Variants in ARHGEF33 observed in about 807,000 individuals in gnomAD.
ARHGEF33 encodes Rho guanine nucleotide exchange factor 33.
Under a neutral mutation model 101.9 loss-of-function variants are expected in ARHGEF33, and 72 were observed. The observed-to-expected ratio is 0.71, with a 90% CI of 0.58 to 0.86. ARHGEF33 has a LOEUF of 0.86. ARHGEF33 is among the 40% of genes least tolerant of loss of function. The pLI is 0.00. For missense variants in ARHGEF33, 1,169 were observed against 1,111.3 expected (o/e 1.05, Z -0.74); for synonymous variants, 499 against 442.5 (o/e 1.13, Z -1.60).
At chr2:38,924,269 A>T (rs1017151852) in intron 4 of ARHGEF33, among the ~76,000 whole-genome samples, 1 of 152,164 alleles carries the variant, frequency 6.6e-6, no homozygotes, top group African/African-American at 2.4e-5. Flanking sequence ...AGTTCTGGTG[A>T]ATGTGTGTAA....
At chr2:38,906,698 G>A (rs1448064264) in intron 2 of ARHGEF33, among the ~76,000 whole-genome samples, 1 of 151,718 alleles carries the variant, frequency 6.6e-6, no homozygotes. Flanking sequence ...GGGTGCAGTG[G>A]CTCATGCCTG....
rs1422087927 is a variant in ARHGEF33 at position 38,974,764 on chromosome 2, C to A, written c.*921C>A. ...ATAGCACCAAAACTTCAATGGCTCA[C>A]ACACAGCAGTTGCTACAAACAGCAG... On this transcript the variant is annotated 3_prime_UTR_variant, in exon 18 of 18. Coordinates refer to ENST00000409978, the MANE Select transcript of ARHGEF33 (RefSeq NM_001145451.5). The A allele has an allele frequency of 6.6e-6, 1 of 152,230 alleles. No individual in the cohort carries two copies. Among genetic ancestry groups the A allele is most frequent in the African/African-American group, 2.4e-5 (1 of 41,464 alleles). The allele number at this position is 152,230 out of a possible 1,614,324, so 9.4% of individuals were successfully genotyped here.
chr2:38,924,226 T>C (rs1666820191), intron 4 of ARHGEF33, among the ~76,000 whole-genome samples: 1 of 152,190 alleles, frequency 6.6e-6, no homozygotes, highest in African/African-American at 2.4e-5. Flanking sequence ...TATTATACTT[T>C]GACTAATTAG....
At position 38,919,441 on chromosome 2, in the gene ARHGEF33, C is replaced by A. The variant is rs371189493; in HGVS notation, c.-7C>A. 1.0e-5 allele frequency: 16 copies of A among 1,551,654 alleles called. No homozygotes were observed. Among genetic ancestry groups the A allele is most frequent in the Non-Finnish European group, 1.4e-5 (16 of 1,146,918 alleles). ...GAATAAGCTGGAGAAGAGAAGTAAC[C>A]GGCACTATGGAAAAAACCAAAACAA... On this transcript the variant is annotated 5_prime_UTR_variant, in exon 3 of 18. Transcript: ENST00000409978.
chr2:38,953,117 C>A (rs1371660281), intron 11 of ARHGEF33, 45 bp from the exon 12 acceptor site: 3 of 866,028 alleles, frequency 3.5e-6, no homozygotes, highest in African/African-American at 1.7e-5. Context: ...TATTATAGAT[C>A]CTGTTTTCAG....
At chr2:38,926,403 T>A (rs1380328247) in intron 4 of ARHGEF33, among the ~76,000 whole-genome samples, 2 of 152,268 alleles carry the variant, frequency 1.3e-5, no homozygotes, top group Non-Finnish European at 1.5e-5. Context: ...GGTCGGTAGT[T>A]GAAAACCGCT....
intron 7 of ARHGEF33, among the ~76,000 whole-genome samples, chr2:38,934,829 G>C (rs893460735): frequency 6.6e-6 from 1 of 151,916 alleles, no homozygotes; most frequent in African/African-American, 2.4e-5. Flanking sequence ...AGAGTGATGA[G>C]TTAAGGAAAA....
In ARHGEF33 at chr2:38,937,143, C is replaced by T. The variant is rs376729496; in HGVS notation, c.566-192C>T. 1.3e-4 allele frequency: 65 copies of T among 502,436 alleles called. 1 individual carries two copies. Among genetic ancestry groups the T allele is most frequent in the East Asian group, 7.2e-4 (20 of 27,798 alleles). The allele number at this position is 502,436 out of a possible 1,614,324, so 31.1% of individuals were successfully genotyped here. A position where few individuals can be genotyped will look rare whatever the true frequency, so the allele number is the denominator to read the frequency against. On this transcript the variant is annotated intron_variant, in intron 8 of 17. Transcript: ENST00000409978. ...CTGAGTAGCTGGGACTACAGGTGCC[C>T]GCCACCACGCCCAGCTAATTTTTTA...
intron 15 of ARHGEF33, chr2:38,959,150 T>C (rs933372253): frequency 1.3e-5 from 2 of 152,228 alleles, no homozygotes; most frequent in African/African-American, 4.8e-5. Context: ...TATCCTAGTT[T>C]GTAAACTGTG....
chr2:38,908,840 G>A (rs139075894), intron 2 of ARHGEF33, among the ~76,000 whole-genome samples: 1 of 152,262 alleles, frequency 6.6e-6, no homozygotes, highest in African/African-American at 2.4e-5. Flanking sequence ...TCTGCCAGTG[G>A]AACTTTGCTT....
intron 2 of ARHGEF33, among the ~76,000 whole-genome samples, chr2:38,910,084 C>T (rs1194476510): frequency 3.9e-5 from 6 of 152,094 alleles, no homozygotes; most frequent in Non-Finnish European, 8.8e-5. Flanking sequence ...CTAAATAACA[C>T]AGACACTGTT....
rs151278618 is a variant in ARHGEF33, at chr2:38,897,368, A to G, written c.-86+1519A>G. Among the ~76,000 whole-genome samples, 746 of 152,358 alleles carry G rather than the reference A, an allele frequency of 4.9e-3. 6 individuals carry two copies. The highest frequency in any genetic ancestry group is 0.017 in the African/African-American group (716 of 41,590). On this transcript the variant is annotated intron_variant, in intron 2 of 17. Transcript: ENST00000409978. ...AAAAACAGAGGAAGTTGAATTTAGT[A>G]TATATCTTTACTAGAATAAGCAGCT...
intron 17 of ARHGEF33, among the ~76,000 whole-genome samples, chr2:38,967,315 G>A (rs961915709): frequency 2.6e-5 from 4 of 152,218 alleles, no homozygotes; most frequent in African/African-American, 9.6e-5. Flanking sequence ...GAAGGGGGAA[G>A]AGGAAGGAAG....
intron 2 of ARHGEF33, among the ~76,000 whole-genome samples, chr2:38,908,276 C>T (rs1457424543): frequency 1.3e-5 from 2 of 152,110 alleles, no homozygotes; most frequent in African/African-American, 4.8e-5. Context: ...AGAATATCTT[C>T]CCTGACCAGA....
intron 9 of ARHGEF33, among the ~76,000 whole-genome samples, chr2:38,939,609 A>T (rs1166712932): frequency 6.6e-6 from 1 of 152,158 alleles, no homozygotes; most frequent in Non-Finnish European, 1.5e-5. Flanking sequence ...TTATATGCTT[A>T]TTAGCTATTC....
intron 1 of ARHGEF33, among the ~76,000 whole-genome samples, chr2:38,892,924 T>C (rs189653610): frequency 6.8e-4 from 103 of 152,254 alleles, no homozygotes; most frequent in African/African-American, 2.2e-3. Context: ...TGCTCTTTCC[T>C]CTACAGTGCC....
At chr2:38,893,630 C>G (rs1249712374) in intron 1 of ARHGEF33, among the ~76,000 whole-genome samples, 1 of 152,150 alleles carries the variant, frequency 6.6e-6, no homozygotes, top group African/African-American at 2.4e-5. Context: ...TTATATGTTA[C>G]AGTTATTTAT....
intron 2 of ARHGEF33, among the ~76,000 whole-genome samples, chr2:38,897,849 G>T (rs193129199): frequency 6.6e-6 from 1 of 152,316 alleles, no homozygotes; most frequent in Non-Finnish European, 1.5e-5. Flanking sequence ...CTAGCCTGGT[G>T]CAGGGGAAGG....
chr2:38,960,722 C>A, intron 16 of ARHGEF33, 74 bp downstream of exon 16: 1 of 1,182,362 alleles, frequency 8.5e-7, no homozygotes, highest in Non-Finnish European at 1.1e-6. Context: ...ATCCCGAGTT[C>A]TCCTAGCGTG....
Sources: allele counts gnomAD v4.1 joint callset (sites outside exome capture counted in the v4.1 genomes callset), GRCh38; gene constraint gnomAD v4.1.1; transcripts MANE v1.5; gene names NCBI Gene and HGNC (gene_info 2026-07-23, HGNC 2026-07-21).